Variants in CHSY3 observed in about 807,000 individuals in gnomAD.
The protein encoded by CHSY3 is N-acetylgalactosaminyl-proteoglycan 3-beta-glucuronosyltransferase 3.
CHSY3 carries 35 observed loss-of-function variants against 67.2 expected under a neutral mutation model. The ratio of observed to expected loss-of-function variants is 0.52; its 90% CI spans 0.40 to 0.69. The LOEUF (loss-of-function observed/expected upper bound fraction) is 0.69, where lower values mean the gene tolerates loss of function less well. Ranked by LOEUF, CHSY3 falls within the 30% of genes least tolerant of loss-of-function variation. The pLI is 0.00. For synonymous variants in CHSY3, 474 were observed against 434.7 expected, an observed-to-expected ratio of 1.09 and a Z score of -1.12; for missense variants, 1,069 against 1,138.5, an observed-to-expected ratio of 0.94 and a Z score of 0.88.
chr5:130,115,596 A>G (rs1223219054), intron 2 of CHSY3, among the ~76,000 whole-genome samples: 2 of 152,160 alleles, frequency 1.3e-5, no homozygotes, highest in African/African-American at 2.4e-5. Flanking sequence ...CGATTCAGCC[A>G]TTCTCTTTGT....
chr5:130,143,768 GTA>G (rs1299433610), intron 2 of CHSY3, among the ~76,000 whole-genome samples: 2,210 of 64,894 alleles, frequency 0.034, 42 homozygotes, highest in South Asian at 0.056. Context: ...GTGTGTGTGT[GTA>G]TATATATATA....
At position 130,125,416 on chromosome 5, in the gene CHSY3, CAGATAGAT is replaced by C. The variant is rs202095756; in HGVS notation, c.1087-58781_1087-58774del. On this transcript the variant is annotated intron_variant, in intron 2 of 2. Coordinates refer to ENST00000305031, the MANE Select transcript of CHSY3 (RefSeq NM_175856.5). Reference sequence around the variant, plus strand: ...TGGGGAACAGAGTGAGATCCTGTCTCAGATAGATAGATAGATAGATAGATAGATAGATA... The same window carrying C: ...TGGGGAACAGAGTGAGATCCTGTCTCAGATAGATAGATAGATAGATAGATA... Among the ~76,000 whole-genome samples the C allele has an allele frequency of 1.2e-4, 17 of 140,892 alleles. 1 individual carries two copies. Among genetic ancestry groups the C allele is most frequent in the South Asian group, 7.5e-4 (3 of 3,982 alleles). The allele number at this position is 140,892 out of a possible 152,430, so 92.4% of individuals were successfully genotyped here.
At chr5:129,924,648 A>G (rs1761037372) in intron 2 of CHSY3, among the ~76,000 whole-genome samples, 1 of 151,880 alleles carries the variant, frequency 6.6e-6, no homozygotes, top group Non-Finnish European at 1.5e-5. Flanking sequence ...CCCTCTAAAA[A>G]AAAAAAAAAA....
intron 2 of CHSY3, among the ~76,000 whole-genome samples, chr5:130,057,900 CAGAGAG>C (rs141613378): frequency 4.0e-5 from 6 of 149,108 alleles, no homozygotes; most frequent in Non-Finnish European, 8.9e-5. Flanking sequence ...TACATGCACA[CAGAGAG>C]AGAGAGAGAG....
chr5:130,161,546 A>G (rs1769543794), intron 2 of CHSY3, among the ~76,000 whole-genome samples: 1 of 152,184 alleles, frequency 6.6e-6, no homozygotes, highest in African/African-American at 2.4e-5. Context: ...GTAGACATTA[A>G]CTTTAAGGAA....
At chr5:130,054,554 T>C (rs2149673202) in intron 2 of CHSY3, among the ~76,000 whole-genome samples, 1 of 152,284 alleles carries the variant, frequency 6.6e-6, no homozygotes, top group South Asian at 2.1e-4. Flanking sequence ...GTGATATTAA[T>C]ATTCCCTAAG....
At chr5:130,154,537 A>G (rs1305107516) in intron 2 of CHSY3, among the ~76,000 whole-genome samples, 1 of 152,184 alleles carries the variant, frequency 6.6e-6, no homozygotes, top group African/African-American at 2.4e-5. Flanking sequence ...TTGTGTGTCT[A>G]TCCATCCAGC....
intron 2 of CHSY3, among the ~76,000 whole-genome samples, chr5:129,922,957 G>A (rs139886720): frequency 5.9e-5 from 9 of 152,278 alleles, no homozygotes; most frequent in African/African-American, 1.9e-4. Flanking sequence ...GTAGATAATG[G>A]GGAGCTTTGA....
At chr5:130,018,905 A>G (rs768223281) in intron 2 of CHSY3, among the ~76,000 whole-genome samples, 3 of 152,034 alleles carry the variant, frequency 2.0e-5, no homozygotes, top group Non-Finnish European at 4.4e-5. Context: ...GGGGGTTGCT[A>G]TAAAGCCAGG....
intron 2 of CHSY3, among the ~76,000 whole-genome samples, chr5:130,151,469 G>A (rs372468926): frequency 5.3e-5 from 8 of 152,304 alleles, no homozygotes; most frequent in Admixed American, 1.3e-4. Context: ...GTTATTGACT[G>A]TGTGCCAGGT....
At chr5:130,108,744 A>T (rs935295199) in intron 2 of CHSY3, among the ~76,000 whole-genome samples, 4 of 151,738 alleles carry the variant, frequency 2.6e-5, no homozygotes, top group Admixed American at 1.3e-4. Flanking sequence ...TTTTCATTAG[A>T]ACATTCACAT....
Position 129,959,844 on chromosome 5 carries a change from C to T in CHSY3, c.1086+51484C>T, listed in dbSNP as rs1182731682. ...CTTTTTCCTTTTATTGCAAGTGATG[C>T]GTATCTTTTTTTACTTGATAACAAC... On this transcript the variant is annotated intron_variant, in intron 2 of 2. Coordinates refer to ENST00000305031, the MANE Select transcript of CHSY3 (RefSeq NM_175856.5). Among the ~76,000 whole-genome samples the T allele has an allele frequency of 3.3e-5, 5 of 152,042 alleles. No homozygotes were observed. In the South Asian group the frequency reaches 8.3e-4, roughly 25 times the overall value.
intron 2 of CHSY3, among the ~76,000 whole-genome samples, chr5:129,935,989 G>A (rs1237376546): frequency 1.3e-5 from 2 of 151,720 alleles, no homozygotes; most frequent in African/African-American, 2.4e-5. Flanking sequence ...AATTTAACTC[G>A]GGCTGAAAAA....
At chr5:130,051,833 A>C (rs1765366757) in intron 2 of CHSY3, among the ~76,000 whole-genome samples, 1 of 152,070 alleles carries the variant, frequency 6.6e-6, no homozygotes, top group East Asian at 1.9e-4. Context: ...TTAGAATTTG[A>C]GTTGCCAGAG....
intron 2 of CHSY3, among the ~76,000 whole-genome samples, chr5:130,009,296 G>C (rs977340356): frequency 6.6e-6 from 1 of 152,128 alleles, no homozygotes. Context: ...AGCCAGAAGA[G>C]ATTGGGAGCC....
chr5:129,918,299 G>A (rs748210901), intron 2 of CHSY3, among the ~76,000 whole-genome samples: 20 of 152,266 alleles, frequency 1.3e-4, no homozygotes, highest in Admixed American at 3.9e-4. Flanking sequence ...TCAGTAATAC[G>A]TAATAAGAGA....
chr5:130,047,262 T>C (rs1765181285), intron 2 of CHSY3, among the ~76,000 whole-genome samples: 1 of 152,124 alleles, frequency 6.6e-6, no homozygotes. Context: ...ACCTTTTATC[T>C]GATATTGTTC....
intron 2 of CHSY3, among the ~76,000 whole-genome samples, chr5:130,138,300 G>A (rs960092714): frequency 5.9e-5 from 9 of 152,154 alleles, no homozygotes; most frequent in African/African-American, 7.2e-5. Context: ...CTCCTCAGGC[G>A]TCTAAGGGCA....
intron 2 of CHSY3, among the ~76,000 whole-genome samples, chr5:129,965,922 G>C (rs1259783731): frequency 6.6e-6 from 1 of 151,786 alleles, no homozygotes; most frequent in East Asian, 1.9e-4. Context: ...GTTGTTACAT[G>C]AGGAGTAGTT....
Sources: allele counts gnomAD v4.1 joint callset (sites outside exome capture counted in the v4.1 genomes callset), GRCh38; gene constraint gnomAD v4.1.1; transcripts MANE v1.5; gene names NCBI Gene and HGNC (gene_info 2026-07-23, HGNC 2026-07-21).